Variants in LRRC69 observed in about 807,000 individuals in gnomAD.
The protein encoded by LRRC69 is leucine-rich repeat-containing protein 69.
In LRRC69, 42 loss-of-function variants were observed where a neutral mutation model predicts 37.8. That is an observed-to-expected ratio of 1.11 (90% CI 0.87 to 1.44). The LOEUF is 1.44. LRRC69 is among the 40% of genes most tolerant of loss of function. LRRC69 has a pLI of 0.00. For missense variants in LRRC69, 357 were observed against 401.9 expected, an observed-to-expected ratio of 0.89 and a Z score of 0.96; for synonymous variants, 141 against 143.1, an observed-to-expected ratio of 0.99 and a Z score of 0.11.
chr8:91,195,100 T>C (rs1809572292), intron 6 of LRRC69, among the ~76,000 whole-genome samples: 1 of 152,260 alleles, frequency 6.6e-6, no homozygotes, highest in Non-Finnish European at 1.5e-5. Context: ...TTTTGTTATG[T>C]ACCCAGTAGT....
At chr8:91,108,469 G>T in intron 1 of LRRC69, among the ~76,000 whole-genome samples, 1 of 151,958 alleles carries the variant, frequency 6.6e-6, no homozygotes, top group East Asian at 1.9e-4. Flanking sequence ...TATTACACTC[G>T]TGATGTAGGA....
At chr8:91,204,232 G>A (rs1228258956) in intron 7 of LRRC69, among the ~76,000 whole-genome samples, 1 of 151,980 alleles carries the variant, frequency 6.6e-6, no homozygotes, top group Non-Finnish European at 1.5e-5. Context: ...AAATGGTTGT[G>A]TCTTACACAC....
At chr8:91,168,974 A>T (rs905182793) in intron 5 of LRRC69, among the ~76,000 whole-genome samples, 6 of 151,912 alleles carry the variant, frequency 3.9e-5, no homozygotes, top group African/African-American at 7.2e-5. Flanking sequence ...CAAAAAACAA[A>T]CTGAATTTAA....
At chr8:91,106,332 G>A (rs1022137405) in intron 1 of LRRC69, among the ~76,000 whole-genome samples, 10 of 151,996 alleles carry the variant, frequency 6.6e-5, no homozygotes, top group African/African-American at 2.2e-4. Flanking sequence ...AGTCCAGTTT[G>A]CCCCAATATA....
At chr8:91,141,834 A>G (rs1039202396) in intron 5 of LRRC69, among the ~76,000 whole-genome samples, 1 of 152,126 alleles carries the variant, frequency 6.6e-6, no homozygotes, top group Non-Finnish European at 1.5e-5. Context: ...TCAAAATAAT[A>G]AGGGGAAAGT....
chr8:91,185,308 A>C (rs1173549116), intron 5 of LRRC69, among the ~76,000 whole-genome samples: 1 of 151,978 alleles, frequency 6.6e-6, no homozygotes, highest in Non-Finnish European at 1.5e-5. Context: ...CCTGACTAGA[A>C]TGAGGAAGGT....
intron 5 of LRRC69, among the ~76,000 whole-genome samples, chr8:91,143,964 A>T (rs1808573841): frequency 6.6e-6 from 1 of 151,960 alleles, no homozygotes; most frequent in South Asian, 2.1e-4. Context: ...TTTCCTCTTT[A>T]AGTTGGGGAT....
chr8:91,180,499 T>G (rs575950119), intron 5 of LRRC69, among the ~76,000 whole-genome samples: 1 of 152,322 alleles, frequency 6.6e-6, no homozygotes, highest in Admixed American at 6.5e-5. Context: ...TCTGCTTTAT[T>G]CTATTCATTA....
chr8:91,120,509 A>T (rs538910739), intron 1 of LRRC69, among the ~76,000 whole-genome samples: 43 of 152,238 alleles, frequency 2.8e-4, no homozygotes, highest in African/African-American at 8.4e-4. Flanking sequence ...GCTTTGGGGC[A>T]TGCCCTGCAG....
chr8:91,160,654 T>C (rs923603307), intron 5 of LRRC69, among the ~76,000 whole-genome samples: 1 of 151,250 alleles, frequency 6.6e-6, no homozygotes, highest in African/African-American at 2.4e-5. Flanking sequence ...CCCTTTATCT[T>C]CTTCCATGAT....
chr8:91,200,818 T>G (rs1489755865), intron 7 of LRRC69, 26 bp downstream of exon 7: 3 of 1,513,380 alleles, frequency 2.0e-6, no homozygotes, highest in Non-Finnish European at 1.8e-6. Context: ...TATGCGAATA[T>G]GAGCATAATA....
At chr8:91,106,736 C>G (rs1353546129) in intron 1 of LRRC69, among the ~76,000 whole-genome samples, 1 of 151,826 alleles carries the variant, frequency 6.6e-6, no homozygotes, top group East Asian at 1.9e-4. Flanking sequence ...AACTGAGTTG[C>G]CTAAAGACGG....
intron 3 of LRRC69, among the ~76,000 whole-genome samples, chr8:91,130,018 G>A (rs753162633): frequency 2.0e-5 from 3 of 151,666 alleles, no homozygotes; most frequent in Non-Finnish European, 2.9e-5. Flanking sequence ...ACAAATGTAC[G>A]CACACCAATA....
intron 5 of LRRC69, among the ~76,000 whole-genome samples, chr8:91,142,141 A>G (rs1808542852): frequency 1.3e-5 from 2 of 151,996 alleles, no homozygotes; most frequent in African/African-American, 2.4e-5. Context: ...TTATTTTTCA[A>G]ACTGCAATCA....
chr8:91,171,059 AAAAC>A lies in LRRC69; in HGVS notation c.652-18456_652-18453del, dbSNP rs200145175. ...TGAACTCAAACAAATTTACAAGAAAAAAACAAACAACCCCATCAAAAAGTGGGTG... is the reference window on the plus strand; with the variant it reads ...TGAACTCAAACAAATTTACAAGAAAAAAACAACCCCATCAAAAAGTGGGTG... On this transcript the variant is annotated intron_variant, in intron 5 of 7. Coordinates refer to ENST00000448384, the Ensembl canonical transcript of LRRC69. Among the ~76,000 whole-genome samples the A allele has an allele frequency of 3.3e-3, 500 of 151,800 alleles. 3 individuals are homozygous for A. Among genetic ancestry groups the A allele is most frequent in the African/African-American group, 0.011 (452 of 41,458 alleles).
intron 5 of LRRC69, chr8:91,138,636 A>G (rs1002844955): frequency 3.9e-5 from 6 of 151,900 alleles, no homozygotes; most frequent in Non-Finnish European, 8.8e-5. Context: ...TATACATTAA[A>G]TGTAAATTTA....
chr8:91,208,702 A>G (rs917352567), intron 7 of LRRC69, among the ~76,000 whole-genome samples: 1 of 152,050 alleles, frequency 6.6e-6, no homozygotes, highest in African/African-American at 2.4e-5. Flanking sequence ...TTCTGCCTAT[A>G]TTATCTAATT....
intron 7 of LRRC69, chr8:91,206,774 C>A (rs1809812752): frequency 7.8e-7 from 1 of 1,289,560 alleles, no homozygotes; most frequent in Admixed American, 2.3e-5. Context: ...AAATATGTCA[C>A]CTGGAATACC....
chr8:91,143,859 C>A (rs1563603150), intron 5 of LRRC69, among the ~76,000 whole-genome samples: 1 of 151,846 alleles, frequency 6.6e-6, no homozygotes, highest in African/African-American at 2.4e-5. Context: ...GGTTTGAATC[C>A]ATTTTTCCCA....
Sources: allele counts gnomAD v4.1 joint callset (sites outside exome capture counted in the v4.1 genomes callset), GRCh38; gene constraint gnomAD v4.1.1; transcripts MANE v1.5; gene names NCBI Gene and HGNC (gene_info 2026-07-23, HGNC 2026-07-21).